Variants in RNF150 observed in about 807,000 individuals in gnomAD.
RNF150 encodes ring finger protein 150.
RNF150 carries 24 observed loss-of-function variants against 39.3 expected under a neutral mutation model. That is an observed-to-expected ratio of 0.61 (90% CI 0.44 to 0.86). The LOEUF (loss-of-function observed/expected upper bound fraction) is 0.86. Among genes scored for constraint, RNF150 ranks in the 40% least tolerant of loss-of-function variants. The probability of loss-of-function intolerance (pLI) is 0.00; values close to 1 mark genes in which losing one functional copy is unlikely to be tolerated. For missense variants in RNF150, 502 were observed against 587.8 expected, an observed-to-expected ratio of 0.85 and a Z score of 1.51; for synonymous variants, 255 against 227.3, an observed-to-expected ratio of 1.12 and a Z score of -1.10.
chr4:140,918,380 C>G (rs1730940659), intron 5 of RNF150, among the ~76,000 whole-genome samples: 1 of 152,176 alleles, frequency 6.6e-6, no homozygotes, highest in African/African-American at 2.4e-5. Flanking sequence ...GAAATACAAA[C>G]TACCATCAGA....
In RNF150 at chr4:141,132,903, T is replaced by A; in HGVS notation, c.-95A>T. On this transcript the variant is annotated 5_prime_UTR_variant, in exon 1 of 7. Coordinates refer to ENST00000515673, the MANE Select transcript of RNF150 (RefSeq NM_020724.2). This position sits in a 1 kb window ranked among gnomAD's most constrained non-coding sequence, Gnocchi z 4.9. ...GCCAACCCCGGGCCGCTGCCTCTCC[T>A]CCTGCTGCTGCTCACTCCCGGGCCG... The A allele has an allele frequency of 9.7e-7, 1 of 1,026,848 alleles. No homozygotes were observed. The highest frequency in any genetic ancestry group is 1.7e-5 in the African/African-American group (1 of 60,498). The allele number at this position is 1,026,848 out of a possible 1,614,324, so 63.6% of individuals were successfully genotyped here.
intron 2 of RNF150, among the ~76,000 whole-genome samples, chr4:140,965,998 T>C (rs1314289578): frequency 6.6e-6 from 1 of 152,096 alleles, no homozygotes; most frequent in Non-Finnish European, 1.5e-5. Context: ...CCAAACACCA[T>C]ACTGTAAACT....
intron 1 of RNF150, among the ~76,000 whole-genome samples, chr4:141,197,884 A>G (rs75189591): frequency 6.6e-6 from 1 of 152,080 alleles, no homozygotes; most frequent in Non-Finnish European, 1.5e-5. Context: ...TCTCAAAAAA[A>G]AAATAAATAA....
At chr4:140,886,294 C>A (rs906210454) in intron 6 of RNF150, among the ~76,000 whole-genome samples, 1 of 150,668 alleles carries the variant, frequency 6.6e-6, no homozygotes, top group Non-Finnish European at 1.5e-5. Flanking sequence ...CCACATTTTT[C>A]CAGAATAGAG....
rs182953622 is a variant in RNF150 at position 141,120,571 on chromosome 4, T to C, written c.484+11754A>G. On this transcript the variant is annotated intron_variant, in intron 1 of 6. Coordinates refer to ENST00000515673, the MANE Select transcript of RNF150 (RefSeq NM_020724.2). ...AAATAGATGAATGGCTACTAGACTT[T>C]CTTGTTTGGGAATCATTCTAAAAGC... 2.1e-3 allele frequency among the ~76,000 whole-genome samples: 313 copies of C among 152,290 alleles called. 1 individual carries two copies. The highest frequency in any genetic ancestry group is 2.8e-3 in the Non-Finnish European group (191 of 68,040).
At chr4:141,010,591 G>C (rs948951865) in intron 1 of RNF150, among the ~76,000 whole-genome samples, 21 of 152,102 alleles carry the variant, frequency 1.4e-4, no homozygotes, top group African/African-American at 5.1e-4. Flanking sequence ...TAGTAGCCAG[G>C]CTCCTCGTTG....
intron 6 of RNF150, among the ~76,000 whole-genome samples, chr4:140,890,689 T>A (rs1729727149): frequency 6.6e-6 from 1 of 152,224 alleles, no homozygotes. Context: ...GCCATCCTGA[T>A]CTTGGACTTC....
intron 1 of RNF150, among the ~76,000 whole-genome samples, chr4:141,131,079 G>A (rs2111107778): frequency 6.6e-6 from 1 of 152,330 alleles, no homozygotes; most frequent in East Asian, 1.9e-4. Flanking sequence ...AAAACAGCTG[G>A]TGTTGATTAC....
chr4:141,098,570 T>C (rs1162538507), intron 1 of RNF150, among the ~76,000 whole-genome samples: 1 of 152,338 alleles, frequency 6.6e-6, no homozygotes, highest in East Asian at 1.9e-4. Context: ...ATTTTCCTTA[T>C]CTTTTGATGG....
At chr4:140,955,263 T>C (rs1436820570) in intron 2 of RNF150, among the ~76,000 whole-genome samples, 1 of 152,222 alleles carries the variant, frequency 6.6e-6, no homozygotes, top group African/African-American at 2.4e-5. Context: ...TTTTGATAGC[T>C]GTGATGACCT....
At chr4:141,203,862 C>G (rs142294729) in intron 1 of RNF150, among the ~76,000 whole-genome samples, 10 of 151,012 alleles carry the variant, frequency 6.6e-5, no homozygotes, top group Non-Finnish European at 1.2e-4. Flanking sequence ...CTCCCAAGCA[C>G]AGTGAAGAAA....
Position 140,949,392 on chromosome 4 carries a change from T to C in RNF150, c.736-20A>G, listed in dbSNP as rs1388537689. ...TCGGCGCTGAAAAGCCAAAACGTGCTTGTTAATAATAAAGATCTGTAATTC... is the reference window on the plus strand; with the variant it reads ...TCGGCGCTGAAAAGCCAAAACGTGCCTGTTAATAATAAAGATCTGTAATTC... On this transcript the variant is annotated intron_variant, in intron 2 of 6. Coordinates refer to ENST00000515673, the MANE Select transcript of RNF150 (RefSeq NM_020724.2). 7 of 1,606,238 alleles carry C rather than the reference T, an allele frequency of 4.4e-6. No individual in the cohort carries two copies. The highest frequency in any genetic ancestry group is 6.0e-6 in the Non-Finnish European group (7 of 1,173,882).
At chr4:140,962,599 A>T (rs1733085744) in intron 2 of RNF150, among the ~76,000 whole-genome samples, 1 of 151,892 alleles carries the variant, frequency 6.6e-6, no homozygotes, top group Admixed American at 6.6e-5. Context: ...GATTCTATCC[A>T]TTTAAATTCC....
chr4:140,976,670 C>A (rs1733675647), intron 1 of RNF150, among the ~76,000 whole-genome samples: 1 of 151,892 alleles, frequency 6.6e-6, no homozygotes, highest in Admixed American at 6.6e-5. Context: ...TATCCATCAA[C>A]CCTCTCCTGG....
intron 1 of RNF150, among the ~76,000 whole-genome samples, chr4:141,075,932 C>T (rs1274349766): frequency 6.6e-6 from 1 of 151,902 alleles, no homozygotes; most frequent in Non-Finnish European, 1.5e-5. Context: ...CACCTGTTCT[C>T]CCAAAACTAG....
At chr4:140,914,663 C>T (rs73857130) in intron 5 of RNF150, among the ~76,000 whole-genome samples, 3,160 of 152,002 alleles carry the variant, frequency 0.021, 127 homozygotes, top group African/African-American at 0.071. Flanking sequence ...CAAGACAGAC[C>T]TACACCTGAC....
rs1479318885 is a variant in RNF150, at chr4:140,863,729, C to T, written c.*4532G>A. On this transcript the variant is annotated 3_prime_UTR_variant, in exon 7 of 7. Coordinates refer to ENST00000515673, the MANE Select transcript of RNF150 (RefSeq NM_020724.2). Reference sequence around the variant, plus strand: ...GAAACTTAGAGAAGATATAAAAATGCTACTGGAAATTGCCTCTGTGGCCTT... The same window carrying T: ...GAAACTTAGAGAAGATATAAAAATGTTACTGGAAATTGCCTCTGTGGCCTT... 6.6e-6 allele frequency: 1 copy of T among 152,314 alleles called. No individual in the cohort carries two copies. Among genetic ancestry groups the T allele is most frequent in the South Asian group, 2.1e-4 (1 of 4,826 alleles). 9.4% of individuals were successfully genotyped at this position (152,314 alleles called of 1,614,324 possible).
chr4:141,056,517 T>C (rs1370609466), intron 1 of RNF150, among the ~76,000 whole-genome samples: 1 of 152,068 alleles, frequency 6.6e-6, no homozygotes, highest in Non-Finnish European at 1.5e-5. Flanking sequence ...ACTGACAGTC[T>C]TTGCTGGATC....
At chr4:140,967,045 G>GAGTTA (rs1476411604) in intron 2 of RNF150, among the ~76,000 whole-genome samples, 1 of 152,268 alleles carries the variant, frequency 6.6e-6, no homozygotes, top group African/African-American at 2.4e-5. Context: ...GAAGCGTACA[G>GAGTTA]AGTTAAGTGT....
Sources: gnomAD v4.1 joint callset for allele counts (sites outside exome capture counted in the v4.1 genomes callset) on GRCh38, gnomAD v4.1.1 for gene constraint, Gnocchi (gnomAD v3.1) non-coding constraint, MANE v1.5 for transcripts, NCBI Gene and HGNC (gene_info 2026-07-23, HGNC 2026-07-21) for gene names.